PPP1R12B: variants seen among roughly 807,000 people sequenced by gnomAD.
PPP1R12B encodes myosin phosphatase target subunit 2.
In PPP1R12B, 76 loss-of-function variants were observed where a neutral mutation model predicts 126.1. The ratio of observed to expected loss-of-function variants is 0.60; its 90% CI spans 0.50 to 0.73. The LOEUF (loss-of-function observed/expected upper bound fraction) is 0.73. PPP1R12B is among the 30% of genes least tolerant of loss of function. The pLI is 0.00. For missense variants in PPP1R12B, 1,052 were observed against 1,205.1 expected (o/e 0.87, Z 1.88); for synonymous variants, 356 against 434.7 (o/e 0.82, Z 2.25).
chr1:202,448,789 C>G (rs1279176686), intron 12 of PPP1R12B, among the ~76,000 whole-genome samples, 200 bp from the exon 13 acceptor site: 1 of 152,162 alleles, frequency 6.6e-6, no homozygotes, highest in Non-Finnish European at 1.5e-5. Flanking sequence ...AAATGTGACT[C>G]CTCAGGCAAA....
intron 18 of PPP1R12B, among the ~76,000 whole-genome samples, chr1:202,550,814 A>G (rs1686229433): frequency 6.6e-6 from 1 of 152,238 alleles, no homozygotes; most frequent in Non-Finnish European, 1.5e-5. Context: ...GCATTTATGA[A>G]TCACAAGAGT....
At chr1:202,420,846 G>C (rs1425977464) in intron 2 of PPP1R12B, among the ~76,000 whole-genome samples, 4 of 151,918 alleles carry the variant, frequency 2.6e-5, no homozygotes, top group African/African-American at 9.7e-5. Context: ...CTTTATACAT[G>C]TAGAATTGAT....
intron 1 of PPP1R12B, among the ~76,000 whole-genome samples, chr1:202,395,320 TCCCCATTGTCACTTC>T (rs892977737): frequency 2.6e-5 from 4 of 152,044 alleles, no homozygotes; most frequent in Non-Finnish European, 4.4e-5. Flanking sequence ...ACCATGTTGT[TCCCCATTGTCACTTC>T]CTGAGCATTA....
chr1:202,452,332 G>C (rs1280031388), intron 13 of PPP1R12B, among the ~76,000 whole-genome samples: 4 of 152,200 alleles, frequency 2.6e-5, no homozygotes, highest in Non-Finnish European at 1.5e-5. Context: ...CGGATCACTC[G>C]CGGTTAGGAG....
chr1:202,568,155 T>C (rs1047623762), intron 22 of PPP1R12B, among the ~76,000 whole-genome samples: 1 of 150,556 alleles, frequency 6.6e-6, no homozygotes. Flanking sequence ...TTTGGTTTAC[T>C]GTAAATCATT....
chr1:202,506,117 G>A (rs1411766837), intron 18 of PPP1R12B, among the ~76,000 whole-genome samples: 2 of 152,142 alleles, frequency 1.3e-5, no homozygotes, highest in African/African-American at 4.8e-5. Flanking sequence ...ACTGAGAAAT[G>A]GCAGCCAACC....
chr1:202,377,832 GTTTTTTTTTT>G (rs74860606), intron 1 of PPP1R12B, among the ~76,000 whole-genome samples: 45,207 of 97,356 alleles, frequency 0.46, 9,201 homozygotes, highest in East Asian at 0.67. Flanking sequence ...AAAGACAGGT[GTTTTTTTTTT>G]TTTTTTTTTT....
chr1:202,485,693 T>A (rs1235373091), intron 13 of PPP1R12B, among the ~76,000 whole-genome samples: 1 of 152,160 alleles, frequency 6.6e-6, no homozygotes, highest in African/African-American at 2.4e-5. Context: ...CCTGGACTTT[T>A]GTCTTCCACA....
At chr1:202,438,546 A>T (rs1205797464) in intron 10 of PPP1R12B, 3 of 425,718 alleles carry the variant, frequency 7.0e-6, no homozygotes, top group African/African-American at 6.1e-5. Context: ...TGGGCATGGG[A>T]CAGCCCCCGG....
At position 202,449,051 on chromosome 1, in the gene PPP1R12B, G is replaced by A; in HGVS notation, c.1730G>A (p.Ser577Asn). 1 of 1,613,844 alleles carries A rather than the reference G, an allele frequency of 6.2e-7. No individual in the cohort carries two copies. Among genetic ancestry groups the A allele is most frequent in the South Asian group, 1.1e-5 (1 of 91,076 alleles). The change falls in exon 13 of 24, where the codon AGC becomes AAC. Residue 577 changes from serine to asparagine, a missense_variant. By Grantham distance (46) the Ser-to-Asn change is conservative. Transcript: ENST00000608999. ...AAAACAGCAGACAATGTCTCTTCTA[G>A]CACCCCGCTCTGTGTGATCACCAAT... ...AEKTADNVSS[S>N]TPLCVITNRP...
At chr1:202,351,688 T>C (rs545341696) in intron 1 of PPP1R12B, among the ~76,000 whole-genome samples, 1 of 152,368 alleles carries the variant, frequency 6.6e-6, no homozygotes, top group African/African-American at 2.4e-5. Flanking sequence ...ATTTAAAATG[T>C]CCATTTGTTA....
intron 13 of PPP1R12B, among the ~76,000 whole-genome samples, chr1:202,449,379 G>A (rs34585046): frequency 4.0e-5 from 6 of 149,400 alleles, no homozygotes; most frequent in Non-Finnish European, 8.9e-5. Flanking sequence ...GGGTTCAAAC[G>A]ATTCTCCTGC....
intron 1 of PPP1R12B, among the ~76,000 whole-genome samples, chr1:202,364,057 G>A (rs1315896112): frequency 2.0e-5 from 3 of 152,162 alleles, no homozygotes; most frequent in Non-Finnish European, 4.4e-5. Flanking sequence ...ACCATGCCTG[G>A]CCCATTTTAT....
intron 11 of PPP1R12B, among the ~76,000 whole-genome samples, chr1:202,441,306 G>A (rs112181050): frequency 6.2e-4 from 94 of 152,180 alleles, no homozygotes; most frequent in African/African-American, 2.0e-3. Flanking sequence ...GGCATCACCC[G>A]GGTACATTTT....
In PPP1R12B at chr1:202,348,732, G is replaced by A. The variant is rs1655364592; in HGVS notation, c.-120G>A. 4 of 1,298,636 alleles carry A rather than the reference G, an allele frequency of 3.1e-6. No individual in the cohort carries two copies. Among genetic ancestry groups the A allele is most frequent in the African/African-American group, 3.0e-5 (2 of 66,036 alleles). The allele number at this position is 1,298,636 out of a possible 1,614,324, so 80.4% of individuals were successfully genotyped here. ...TGGCGGGAGGAGTAAAGATGGCGGC[G>A]CGAGGGTCTCCGCCCTCTGCTCCGG... On this transcript the variant is annotated 5_prime_UTR_variant, in exon 1 of 24. Transcript: ENST00000608999.
intron 13 of PPP1R12B, among the ~76,000 whole-genome samples, chr1:202,457,185 C>T (rs1258519098): frequency 1.3e-5 from 2 of 152,168 alleles, no homozygotes; most frequent in Non-Finnish European, 2.9e-5. Context: ...ATATATAAAG[C>T]ACCTAACAAC....
chr1:202,556,398 T>C lies in PPP1R12B; in HGVS notation c.2491-2479T>C, dbSNP rs114530907. Among the ~76,000 whole-genome samples the C allele has an allele frequency of 7.0e-3, 1,071 of 152,290 alleles. 11 individuals carry two copies. The highest frequency in any genetic ancestry group is 0.025 in the African/African-American group (1,022 of 41,554). ...CAGAGCATTAACAATTCAATTCAGT[T>C]AGTGTTTATTGAACACCTATTGTGT... On this transcript the variant is annotated intron_variant, in intron 18 of 23. Coordinates refer to ENST00000608999, the MANE Select transcript of PPP1R12B (RefSeq NM_002481.4).
At position 202,440,565 on chromosome 1, in the gene PPP1R12B, A is replaced by G. The variant is rs973442482; in HGVS notation, c.1459-141A>G. On this transcript the variant is annotated intron_variant, in intron 10 of 23. Transcript: ENST00000608999. ...AAGCTTTTGAAAGCTAACCTTTTGT[A>G]AATACCACTCAAAATAGAATTAGTG... 5.1e-6 allele frequency: 3 copies of G among 593,112 alleles called. No homozygotes were observed. In the African/African-American group the frequency reaches 5.6e-5, roughly 11 times the overall value. 36.7% of individuals were successfully genotyped at this position (593,112 alleles called of 1,614,324 possible).
intron 18 of PPP1R12B, among the ~76,000 whole-genome samples, chr1:202,555,230 T>G (rs1008599572): frequency 6.9e-6 from 1 of 145,270 alleles, no homozygotes; most frequent in African/African-American, 2.6e-5. Flanking sequence ...TAATGTCATT[T>G]AAAAAGTAAA....
Sources: gnomAD v4.1 joint callset for allele counts (sites outside exome capture counted in the v4.1 genomes callset) on GRCh38, gnomAD v4.1.1 for gene constraint, MANE v1.5 for transcripts, NCBI Gene and HGNC (gene_info 2026-07-23, HGNC 2026-07-21) for gene names.